The following GIGYF2 variants were observed in gnomAD, a reference collection of about 807,000 sequenced individuals.
GIGYF2 encodes GRB10 interacting GYF protein 2, also known as GRB10-interacting GYF protein 2.
In GIGYF2, 25 loss-of-function variants were observed where a neutral mutation model predicts 208.1. That is an observed-to-expected ratio of 0.12 (90% confidence interval 0.09 to 0.17). The LOEUF is 0.17. GIGYF2 is among the 10% of genes least tolerant of loss of function. GIGYF2 has a pLI of 1.00. For missense variants in GIGYF2, 1,302 were observed against 1,579.4 expected (o/e 0.82, Z 2.98); for synonymous variants, 534 against 543.8 (o/e 0.98, Z 0.25).
intron 5 of GIGYF2, among the ~76,000 whole-genome samples, chr2:232,750,408 C>G (rs1414776182): frequency 6.6e-6 from 1 of 152,180 alleles, no homozygotes. Context: ...GCCAGCTGCT[C>G]CCTTTCCCAG....
At chr2:232,813,767 A>G (rs1428965289) in intron 18 of GIGYF2, among the ~76,000 whole-genome samples, 2 of 151,868 alleles carry the variant, frequency 1.3e-5, no homozygotes, top group Non-Finnish European at 2.9e-5. Context: ...ATAGCCGTTT[A>G]TAGTTAGGAT....
intron 21 of GIGYF2, among the ~76,000 whole-genome samples, chr2:232,827,386 C>G (rs1266436516): frequency 6.6e-6 from 1 of 152,124 alleles, no homozygotes; most frequent in Admixed American, 6.6e-5. Context: ...TGATAGAGTT[C>G]ACCGTTGAGA....
At chr2:232,834,513 C>CT (rs773998776) in intron 22 of GIGYF2, among the ~76,000 whole-genome samples, 52 of 152,304 alleles carry the variant, frequency 3.4e-4, no homozygotes, top group Non-Finnish European at 3.5e-4. Context: ...TATGACGTGT[C>CT]TGTTTGTGGA....
At chr2:232,840,069 ATTG>A (rs1701772159) in intron 23 of GIGYF2, 98 bp downstream of exon 23, 1 of 1,270,864 alleles carries the variant, frequency 7.9e-7, no homozygotes, top group Non-Finnish European at 1.1e-6. Flanking sequence ...TACTGTCAGA[ATTG>A]TTGTGTGTCT....
intron 27 of GIGYF2, among the ~76,000 whole-genome samples, chr2:232,849,677 A>G (rs192698229): frequency 2.6e-5 from 4 of 152,178 alleles, no homozygotes; most frequent in Admixed American, 1.3e-4. Context: ...TGTGCCTTCA[A>G]CTGGCTCATT....
In GIGYF2 at chr2:232,841,503, C is replaced by T. The variant is rs572832101; in HGVS notation, c.2889+1532C>T. ...TTTTTTTAAGTATTTTTAGTAGAGA[C>T]GGAGTTTCACCATGTTGGCCAGGCT... On this transcript the variant is annotated intron_variant, in intron 23 of 28. Transcript: ENST00000373563. Among the ~76,000 whole-genome samples, 138 of 148,726 alleles carry T rather than the reference C, an allele frequency of 9.3e-4. 2 individuals carry two copies. The highest frequency in any genetic ancestry group is 1.7e-3 in the Non-Finnish European group (116 of 67,370).
At chr2:232,829,088 A>C (rs1701338002) in intron 21 of GIGYF2, among the ~76,000 whole-genome samples, 1 of 152,206 alleles carries the variant, frequency 6.6e-6, no homozygotes. Flanking sequence ...ATGCATTTTC[A>C]TCTTAAGAAA....
In GIGYF2 at chr2:232,808,695, A is replaced by G. The variant is rs148513403; in HGVS notation, c.1807-1025A>G. Among the ~76,000 whole-genome samples, 1,326 of 152,218 alleles carry G rather than the reference A, an allele frequency of 8.7e-3. 35 individuals are homozygous for G. Among genetic ancestry groups the G allele is most frequent in the Admixed American group, 0.054 (830 of 15,294 alleles). On this transcript the variant is annotated intron_variant, in intron 15 of 28. Transcript: ENST00000373563. ...AAAGATATAAACTCATGATTTACCT[A>G]TTTAGTCTGTCATACTTACACTTTT...
chr2:232,840,957 A>T (rs1268638274), intron 23 of GIGYF2, among the ~76,000 whole-genome samples: 1 of 152,216 alleles, frequency 6.6e-6, no homozygotes, highest in Admixed American at 6.5e-5. Context: ...TTGGATACAC[A>T]AGGAGAAATA....
chr2:232,748,167 A>T (rs1339987534), intron 4 of GIGYF2, among the ~76,000 whole-genome samples: 1 of 152,260 alleles, frequency 6.6e-6, no homozygotes, highest in Non-Finnish European at 1.5e-5. Flanking sequence ...AAAACCTTAA[A>T]ATGTAACACT....
At chr2:232,780,082 C>A (rs1699660917) in intron 8 of GIGYF2, among the ~76,000 whole-genome samples, 1 of 152,178 alleles carries the variant, frequency 6.6e-6, no homozygotes, top group Non-Finnish European at 1.5e-5. Flanking sequence ...AGATTGGGCA[C>A]TTGTAAGCTC....
Position 232,791,391 on chromosome 2 carries a change from AGAG to A in GIGYF2, c.1231_1233del (p.Glu411del), listed in dbSNP as rs1700065650. ...AAACTGAGCAAACGGAAAAAGCTGA[AGAG>A]GAGACTCGGATGGAAAATAGTCTAC... On this transcript the variant is annotated inframe_deletion, in exon 12 of 29. Coordinates refer to ENST00000373563, the MANE Select transcript of GIGYF2 (RefSeq NM_001103146.3). 2 of 1,613,980 alleles carry A rather than the reference AGAG, an allele frequency of 1.2e-6. No individual in the cohort carries two copies. The highest frequency in any genetic ancestry group is 1.7e-6 in the Non-Finnish European group (2 of 1,179,998).
At chr2:232,733,670 A>T (rs145476897) in intron 2 of GIGYF2, among the ~76,000 whole-genome samples, 1 of 152,178 alleles carries the variant, frequency 6.6e-6, no homozygotes, top group Non-Finnish European at 1.5e-5. Context: ...TGTCCTTCAG[A>T]TGTTAAAATC....
intron 13 of GIGYF2, 113 bp from the exon 14 acceptor site, chr2:232,795,949 A>G: frequency 2.6e-6 from 2 of 769,744 alleles, no homozygotes; most frequent in Non-Finnish European, 4.6e-6. Flanking sequence ...TTCTTTGCAT[A>G]GTGACTTTCA....
At chr2:232,702,177 G>A (rs1485300109) in intron 1 of GIGYF2, among the ~76,000 whole-genome samples, 1 of 152,066 alleles carries the variant, frequency 6.6e-6, no homozygotes, top group Admixed American at 6.6e-5. Context: ...AGTGGCTCAT[G>A]CCTGTAATCC....
Position 232,816,873 on chromosome 2 carries a change from A to G in GIGYF2, c.2211A>G (p.Leu737=), listed in dbSNP as rs780616763. ...AGAGTACTCTTGTGTAATCACAGCT[A>G]GAGCAAGAGAGAAGAGAGGCAGAAA... is the stretch of plus-strand genomic sequence containing the variant. ...QQLEKAKAAK[L]EQERREAEMR... is the part of the protein sequence containing the mutation. The change falls in exon 20 of 29, where the codon CTA becomes CTG. Residue 737 remains leucine, a splice_region_variant and synonymous_variant. Coordinates refer to ENST00000373563, the MANE Select transcript of GIGYF2 (RefSeq NM_001103146.3). The G allele has an allele frequency of 6.2e-6, 10 of 1,611,332 alleles. No individual in the cohort carries two copies. Among genetic ancestry groups the G allele is most frequent in the Non-Finnish European group, 8.5e-6 (10 of 1,177,424 alleles).
intron 23 of GIGYF2, among the ~76,000 whole-genome samples, chr2:232,842,324 G>C (rs1410639133): frequency 6.6e-6 from 1 of 152,084 alleles, no homozygotes; most frequent in Non-Finnish European, 1.5e-5. Flanking sequence ...CCAAAATGTT[G>C]GGTATTACAG....
chr2:232,798,758 C>T (rs1182585454), intron 14 of GIGYF2, among the ~76,000 whole-genome samples: 2 of 151,098 alleles, frequency 1.3e-5, no homozygotes, highest in African/African-American at 2.4e-5. Flanking sequence ...CTTTTTTGTT[C>T]ATGTCCTAAT....
intron 1 of GIGYF2, among the ~76,000 whole-genome samples, chr2:232,702,505 A>C (rs1695901291): frequency 6.6e-6 from 1 of 152,032 alleles, no homozygotes; most frequent in African/African-American, 2.4e-5. Context: ...GAAATTGTCA[A>C]CTTTAATTGT....
Sources: allele counts gnomAD v4.1 joint callset (sites outside exome capture counted in the v4.1 genomes callset), GRCh38; gene constraint gnomAD v4.1.1; transcripts MANE v1.5; gene names NCBI Gene and HGNC (gene_info 2026-07-23, HGNC 2026-07-21).